LARS2: variants seen among roughly 807,000 people sequenced by gnomAD.
The protein encoded by LARS2 is leucyl-tRNA synthetase 2, mitochondrial, also known as leucine--tRNA ligase, mitochondrial.
A neutral mutation model predicts 116.6 loss-of-function variants in LARS2; 81 were observed. The ratio of observed to expected loss-of-function variants is 0.69; its 90% CI spans 0.58 to 0.84. The LOEUF is 0.84. LARS2 is among the 40% of genes least tolerant of loss of function. The pLI is 0.00. For synonymous variants in LARS2, 396 were observed against 407.2 expected (o/e 0.97, Z 0.33); for missense variants, 968 against 1,114.5 (o/e 0.87, Z 1.87).
intron 20 of LARS2, among the ~76,000 whole-genome samples, chr3:45,526,585 A>G (rs1289286381): frequency 6.6e-6 from 1 of 152,160 alleles, no homozygotes; most frequent in Non-Finnish European, 1.5e-5. Flanking sequence ...ACATAAAAGC[A>G]GTTCTCAGGA....
Position 45,476,575 on chromosome 3 carries a change from T to C in LARS2, c.966T>C (p.His322=), listed in dbSNP as rs771620095. 1.2e-5 allele frequency: 19 copies of C among 1,614,176 alleles called. No individual in the cohort carries two copies. Among genetic ancestry groups the C allele is most frequent in the Non-Finnish European group, 1.6e-5 (19 of 1,180,026 alleles). The change falls in exon 10 of 22, where the codon CAT becomes CAC. Residue 322 remains histidine, a synonymous_variant. Transcript: ENST00000645846. ...VAISPSHRLL[H]GHSSLKEALR... ...TCTCGCCCAGCCACAGACTCCTACA[T>C]GGGCACAGCTCTCTGAAGGAAGCCT...
At chr3:45,398,282 C>G (rs1321456380) in intron 3 of LARS2, among the ~76,000 whole-genome samples, 2 of 152,184 alleles carry the variant, frequency 1.3e-5, no homozygotes, top group African/African-American at 4.8e-5. Context: ...AGTTTACGAA[C>G]TCCTTGGCAA....
intron 17 of LARS2, among the ~76,000 whole-genome samples, chr3:45,516,702 T>G (rs1047085491): frequency 1.3e-5 from 2 of 152,174 alleles, no homozygotes; most frequent in Admixed American, 6.5e-5. Flanking sequence ...TCTTTCTTGA[T>G]GTACCCTGCA....
At chr3:45,478,531 A>C (rs1699650477) in intron 10 of LARS2, among the ~76,000 whole-genome samples, 1 of 152,198 alleles carries the variant, frequency 6.6e-6, no homozygotes, top group South Asian at 2.1e-4. Flanking sequence ...TTTTTAGTAC[A>C]CGCAAACAGC....
intron 1 of LARS2, among the ~76,000 whole-genome samples, chr3:45,391,214 G>A (rs62244086): frequency 0.23 from 34,906 of 151,806 alleles, 4,611 homozygotes; most frequent in Non-Finnish European, 0.3. Context: ...GTCCAGATGC[G>A]GTGGTTCACG....
chr3:45,463,166 A>C (rs1699362327), intron 8 of LARS2, among the ~76,000 whole-genome samples: 1 of 152,228 alleles, frequency 6.6e-6, no homozygotes, highest in Non-Finnish European at 1.5e-5. Flanking sequence ...CAGTCCTGGC[A>C]GCAGAGTGAC....
intron 7 of LARS2, among the ~76,000 whole-genome samples, chr3:45,454,071 A>G (rs1015140739): frequency 2.0e-5 from 3 of 152,160 alleles, no homozygotes; most frequent in Non-Finnish European, 4.4e-5. Flanking sequence ...AGGAATGGTA[A>G]TGATGAGATG....
chr3:45,504,529 T>G (rs947094076), intron 15 of LARS2, among the ~76,000 whole-genome samples: 5 of 152,002 alleles, frequency 3.3e-5, no homozygotes, highest in African/African-American at 1.2e-4. Flanking sequence ...GAAAATAAAC[T>G]GGTCTGCATC....
chr3:45,416,604 C>G (rs1030384863), intron 4 of LARS2, among the ~76,000 whole-genome samples: 6 of 152,196 alleles, frequency 3.9e-5, no homozygotes, highest in Non-Finnish European at 8.8e-5. Context: ...ATTTGAATAT[C>G]CAATATCTGC....
chr3:45,446,388 A>G (rs1403738011), intron 6 of LARS2, among the ~76,000 whole-genome samples: 1 of 152,252 alleles, frequency 6.6e-6, no homozygotes, highest in Non-Finnish European at 1.5e-5. Flanking sequence ...CACATAATGG[A>G]ATAAATGGAA....
chr3:45,472,805 G>A (rs1469984007), intron 8 of LARS2, among the ~76,000 whole-genome samples: 2 of 152,190 alleles, frequency 1.3e-5, no homozygotes, highest in African/African-American at 4.8e-5. Flanking sequence ...GAAAAGTTCT[G>A]AGACTTGTTT....
intron 6 of LARS2, among the ~76,000 whole-genome samples, chr3:45,426,238 A>G (rs1698592947): frequency 6.6e-6 from 1 of 152,224 alleles, no homozygotes; most frequent in Non-Finnish European, 1.5e-5. Flanking sequence ...TTTATCTTAA[A>G]AGAATTTAAA....
intron 6 of LARS2, among the ~76,000 whole-genome samples, chr3:45,419,971 T>C (rs111407033): frequency 6.6e-6 from 1 of 152,242 alleles, no homozygotes; most frequent in African/African-American, 2.4e-5. Context: ...ATGATTTCTG[T>C]GTGGCAAAAG....
intron 8 of LARS2, among the ~76,000 whole-genome samples, chr3:45,470,703 A>G (rs919743702): frequency 6.6e-6 from 1 of 152,178 alleles, no homozygotes; most frequent in Non-Finnish European, 1.5e-5. Flanking sequence ...CCCATTTTTA[A>G]AATTTATTAA....
chr3:45,500,568 G>A lies in LARS2; in HGVS notation c.1749G>A (p.Met583Ile). The A allele has an allele frequency of 1.9e-6, 3 of 1,567,170 alleles. No individual in the cohort carries two copies. Among genetic ancestry groups the A allele is most frequent in the Non-Finnish European group, 2.6e-6 (3 of 1,164,034 alleles). The change falls in exon 15 of 22, where the codon ATG becomes ATA. Residue 583 changes from methionine (M) to isoleucine (I), a missense_variant. Transcript: ENST00000645846. ...GTCATTTTTGCCATGATCAAAAAAT[G>A]GTTAAACATAGGTAAGCACTTATAC... ...FFSHFCHDQKMVKHREPFHKL... is the reference protein window; with the variant it reads ...FFSHFCHDQKIVKHREPFHKL...
chr3:45,475,853 G>C (rs1699599913), intron 9 of LARS2, among the ~76,000 whole-genome samples: 2 of 152,284 alleles, frequency 1.3e-5, no homozygotes, highest in South Asian at 4.1e-4. Context: ...TTGAATAAAT[G>C]CATGAAGGAA....
intron 6 of LARS2, among the ~76,000 whole-genome samples, chr3:45,436,549 CTT>C (rs1698805033): frequency 6.6e-6 from 1 of 151,468 alleles, no homozygotes; most frequent in African/African-American, 2.4e-5. Context: ...AATCCCAGCA[CTT>C]TGGGAGGCCG....
At chr3:45,448,457 G>A (rs779294775) in intron 7 of LARS2, among the ~76,000 whole-genome samples, 7 of 152,076 alleles carry the variant, frequency 4.6e-5, no homozygotes, top group Non-Finnish European at 5.9e-5. Context: ...CAGCTCGGTC[G>A]GGGAGACCCT....
chr3:45,417,323 G>A (rs771390516), intron 4 of LARS2, among the ~76,000 whole-genome samples, 159 bp from the exon 5 acceptor site: 4 of 152,102 alleles, frequency 2.6e-5, no homozygotes, highest in African/African-American at 4.8e-5. Context: ...CTATGGTTAC[G>A]TCATAGGTAG....
Sources: gnomAD v4.1 joint callset for allele counts (sites outside exome capture counted in the v4.1 genomes callset) on GRCh38, gnomAD v4.1.1 for gene constraint, MANE v1.5 for transcripts, NCBI Gene and HGNC (gene_info 2026-07-23, HGNC 2026-07-21) for gene names.